Variants in TRMT11 observed in about 807,000 individuals in gnomAD.
TRMT11 encodes the protein tRNA (guanine(10)-N(2))-methyltransferase TRMT11.
In TRMT11, 53 loss-of-function variants were observed where a neutral mutation model predicts 62.8. That is an observed-to-expected ratio of 0.84 (90% CI 0.68 to 1.06). The LOEUF is 1.06. TRMT11 is among the 50% of genes least tolerant of loss of function. TRMT11 has a pLI of 0.00. For synonymous variants in TRMT11, 188 were observed against 190.3 expected, an observed-to-expected ratio of 0.99 and a Z score of 0.10; for missense variants, 556 against 553.4, an observed-to-expected ratio of 1.00 and a Z score of -0.05.
intron 16 of TRMT11, among the ~76,000 whole-genome samples, chr6:126,049,639 G>A (rs1390338052): frequency 6.8e-6 from 1 of 147,984 alleles, no homozygotes; most frequent in Non-Finnish European, 1.5e-5. Context: ...TGGTTGGGGT[G>A]ATGAGACCTA....
intron 21 of TRMT11, among the ~76,000 whole-genome samples, chr6:126,168,479 T>C (rs1374093873): frequency 6.6e-6 from 1 of 152,160 alleles, no homozygotes; most frequent in African/African-American, 2.4e-5. Flanking sequence ...TTGGCCATTA[T>C]GTTAGAATTG....
At chr6:125,995,431 C>A (rs542233561) in intron 2 of TRMT11, among the ~76,000 whole-genome samples, 1 of 152,108 alleles carries the variant, frequency 6.6e-6, no homozygotes, top group Non-Finnish European at 1.5e-5. Flanking sequence ...ACCCCTGATG[C>A]ACTTGGAGCT....
chr6:126,057,945 C>CT (rs1461755655), intron 17 of TRMT11, among the ~76,000 whole-genome samples: 1 of 135,292 alleles, frequency 7.4e-6, no homozygotes, highest in Non-Finnish European at 1.6e-5. Context: ...AGTGGTATTT[C>CT]TTTTTTTCTT....
chr6:126,005,997 G>A (rs967395443), intron 7 of TRMT11, among the ~76,000 whole-genome samples: 12 of 152,106 alleles, frequency 7.9e-5, no homozygotes, highest in South Asian at 2.1e-4. Flanking sequence ...AATAGTGGAC[G>A]CAGAAACCAG....
At chr6:126,222,979 C>T in the TRMT11 span, among the ~76,000 whole-genome samples, 6 of 151,442 alleles carry the variant, frequency 4.0e-5, no homozygotes, top group African/African-American at 7.3e-5. Flanking sequence ...TGTTTCCATG[C>T]GTAGCACTCA....
At chr6:126,020,023 G>A (rs1387529021) in intron 11 of TRMT11, among the ~76,000 whole-genome samples, 1 of 152,202 alleles carries the variant, frequency 6.6e-6, no homozygotes, top group Non-Finnish European at 1.5e-5. Context: ...TGCTTGGGAA[G>A]TGGGTGATGA....
At chr6:126,023,067 T>C (rs147917565) in intron 12 of TRMT11, among the ~76,000 whole-genome samples, 87 of 152,338 alleles carry the variant, frequency 5.7e-4, no homozygotes, top group Middle Eastern at 6.8e-3. Context: ...CTTAAAATGA[T>C]TTTACTGGAC....
the TRMT11 span, among the ~76,000 whole-genome samples, chr6:126,242,793 C>T: frequency 2.5e-4 from 38 of 152,164 alleles, no homozygotes; most frequent in South Asian, 3.3e-3. Context: ...TCAAGATGGA[C>T]TAAAGACTTA....
At chr6:126,198,559 C>G (rs1778698028) in intron 1 of TRMT11, among the ~76,000 whole-genome samples, 1 of 152,138 alleles carries the variant, frequency 6.6e-6, no homozygotes, top group South Asian at 2.1e-4. Context: ...TTCTGTCTTT[C>G]CATGAGCTAA....
chr6:126,064,654 A>G (rs2128131272), intron 17 of TRMT11, among the ~76,000 whole-genome samples: 1 of 152,344 alleles, frequency 6.6e-6, no homozygotes, highest in South Asian at 2.1e-4. Context: ...AAAACGCCCA[A>G]ACCATAAAGT....
At chr6:126,183,351 T>A (rs11969106) in intron 1 of TRMT11, among the ~76,000 whole-genome samples, 3 of 152,128 alleles carry the variant, frequency 2.0e-5, no homozygotes, top group African/African-American at 4.8e-5. Flanking sequence ...CAAAAGTTTC[T>A]TCTGTAATAA....
chr6:126,235,255 G>A, the TRMT11 span, among the ~76,000 whole-genome samples: 13 of 152,140 alleles, frequency 8.5e-5, no homozygotes. Flanking sequence ...GCTGTTTGTG[G>A]GAGTGTAAAT....
chr6:126,253,189 C>G, the TRMT11 span, among the ~76,000 whole-genome samples: 1 of 151,940 alleles, frequency 6.6e-6, no homozygotes, highest in African/African-American at 2.4e-5. Flanking sequence ...GTAATCCCAG[C>G]ACTTTGGGAG....
chr6:126,243,773 G>T, the TRMT11 span, among the ~76,000 whole-genome samples: 3 of 152,254 alleles, frequency 2.0e-5, no homozygotes, highest in South Asian at 6.2e-4. Context: ...CACTCCCCGG[G>T]GCCTGTTGTG....
chr6:126,217,052 T>C, the TRMT11 span, among the ~76,000 whole-genome samples: 1 of 152,234 alleles, frequency 6.6e-6, no homozygotes, highest in African/African-American at 2.4e-5. Flanking sequence ...AATATGTCAG[T>C]TGTGTTTTTC....
intron 17 of TRMT11, among the ~76,000 whole-genome samples, chr6:126,059,043 A>AT (rs1776453296): frequency 7.4e-6 from 1 of 135,264 alleles, no homozygotes; most frequent in African/African-American, 3.1e-5. Flanking sequence ...CTCTCTACTT[A>AT]TCTTTTTTTT....
intron 21 of TRMT11, among the ~76,000 whole-genome samples, chr6:126,133,810 C>T (rs1343121680): frequency 6.6e-6 from 1 of 151,874 alleles, no homozygotes; most frequent in Non-Finnish European, 1.5e-5. Context: ...ATATTCTCAT[C>T]ATTTTAGAGA....
At chr6:126,176,367 C>G (rs1034114122), upstream of TRMT11, among the ~76,000 whole-genome samples, 2 of 152,102 alleles carry the variant, frequency 1.3e-5, no homozygotes, top group African/African-American at 2.4e-5. Context: ...AAAAAAAGGT[C>G]CATTCAACCC....
chr6:126,186,171 A>T (rs1195279144), intron 1 of TRMT11, among the ~76,000 whole-genome samples: 1 of 152,230 alleles, frequency 6.6e-6, no homozygotes, highest in African/African-American at 2.4e-5. Flanking sequence ...TTCATAGCTT[A>T]CCAAATAACA....
Sources: gnomAD v4.1 joint callset for allele counts (sites outside exome capture counted in the v4.1 genomes callset) on GRCh38, gnomAD v4.1.1 for gene constraint, MANE v1.5 for transcripts, NCBI Gene and HGNC (gene_info 2026-07-23, HGNC 2026-07-21) for gene names.